The following CA8 variants were observed in gnomAD, a reference collection of about 807,000 sequenced individuals.
CA8 encodes carbonic anhydrase 8 (inactive).
In CA8, 22 loss-of-function variants were observed where a neutral mutation model predicts 41.4. That is an observed-to-expected ratio of 0.53 (90% CI 0.38 to 0.76). CA8 has a LOEUF of 0.76. CA8 is among the 30% of genes least tolerant of loss of function. CA8 has a pLI of 0.00. For synonymous variants in CA8, 121 were observed against 130.6 expected (o/e 0.93, Z 0.50); for missense variants, 270 against 352.8 (o/e 0.77, Z 1.88).
intron 3 of CA8, among the ~76,000 whole-genome samples, chr8:60,264,457 G>A (rs1160991633): frequency 2.0e-5 from 3 of 152,158 alleles, no homozygotes; most frequent in Non-Finnish European, 4.4e-5. Context: ...TAACTGTCTT[G>A]GATTATTTTG....
At chr8:60,194,467 C>G (rs1806222220) in intron 8 of CA8, among the ~76,000 whole-genome samples, 1 of 152,126 alleles carries the variant, frequency 6.6e-6, no homozygotes, top group African/African-American at 2.4e-5. Flanking sequence ...AGGGGCCTTT[C>G]TGCCAGTGTA....
At chr8:60,280,781 A>C (rs528552604) in intron 1 of CA8, among the ~76,000 whole-genome samples, 2 of 152,252 alleles carry the variant, frequency 1.3e-5, no homozygotes, top group Non-Finnish European at 2.9e-5. Context: ...CGCCCTCCGG[A>C]CCGCAGCAGG....
intron 2 of CA8, among the ~76,000 whole-genome samples, chr8:60,277,155 G>A (rs533552161): frequency 2.9e-4 from 40 of 139,224 alleles, no homozygotes; most frequent in African/African-American, 1.1e-3. Context: ...AATTGGCCTC[G>A]TCTTCAATAG....
chr8:60,220,789 G>A (rs988303043), intron 7 of CA8, among the ~76,000 whole-genome samples: 2 of 152,160 alleles, frequency 1.3e-5, no homozygotes, highest in African/African-American at 4.8e-5. Flanking sequence ...CCCGCCGTTA[G>A]GGTAGTTATG....
chr8:60,254,106 TTCTG>T (rs1256486894), intron 3 of CA8, among the ~76,000 whole-genome samples: 2 of 152,242 alleles, frequency 1.3e-5, no homozygotes, highest in South Asian at 2.1e-4. Context: ...TTTCACATGT[TTCTG>T]TCTTACTTCC....
Position 60,273,576 on chromosome 8 carries a change from T to C in CA8, c.292+6113A>G, listed in dbSNP as rs185485275. Among the ~76,000 whole-genome samples, 252 of 152,102 alleles carry C rather than the reference T, an allele frequency of 1.7e-3. 3 individuals are homozygous for C. The Middle Eastern group carries it at 0.017, about 10-fold the overall frequency. Reference sequence around the variant, plus strand: ...ATGGGGTACATGCAGGAGAAGAGGGTTCAGAAGGAAACCTTAAGAAACCCT... The same window carrying C: ...ATGGGGTACATGCAGGAGAAGAGGGCTCAGAAGGAAACCTTAAGAAACCCT... On this transcript the variant is annotated intron_variant, in intron 2 of 8. Coordinates refer to ENST00000317995, the MANE Select transcript of CA8 (RefSeq NM_004056.6).
chr8:60,191,108 A>C (rs1563515879), intron 8 of CA8, among the ~76,000 whole-genome samples: 2 of 151,736 alleles, frequency 1.3e-5, no homozygotes, highest in African/African-American at 4.8e-5. Flanking sequence ...CTCTACCAGG[A>C]CCAAACTACA....
In CA8 at chr8:60,187,402, C is replaced by A. The variant is rs369481808; in HGVS notation, c.*2619G>T. 5.2e-4 allele frequency: 79 copies of A among 152,124 alleles called. 1 individual carries two copies. The highest frequency in any genetic ancestry group is 1.8e-3 in the African/African-American group (76 of 41,532). The allele number at this position is 152,124 out of a possible 1,614,324, so 9.4% of individuals were successfully genotyped here. A position where few individuals can be genotyped will look rare whatever the true frequency, so the allele number is the denominator to read the frequency against. On this transcript the variant is annotated 3_prime_UTR_variant, in exon 9 of 9. Coordinates refer to ENST00000317995, the MANE Select transcript of CA8 (RefSeq NM_004056.6). ...TTCAAATCAATAACCTAACCTTCCA[C>A]CTTAAAATACTGGAAAAGACACAAA...
At chr8:60,242,054 C>T (rs1461195000) in intron 3 of CA8, among the ~76,000 whole-genome samples, 1 of 152,142 alleles carries the variant, frequency 6.6e-6, no homozygotes, top group East Asian at 1.9e-4. Context: ...GTGTTCACTG[C>T]TTCTGGCACT....
chr8:60,248,795 A>G (rs1315777198), intron 3 of CA8, among the ~76,000 whole-genome samples: 1 of 152,130 alleles, frequency 6.6e-6, no homozygotes, highest in African/African-American at 2.4e-5. Context: ...AAGAATGTCA[A>G]TGGTAGTTTA....
chr8:60,212,380 T>C (rs998570018), intron 7 of CA8, among the ~76,000 whole-genome samples: 2 of 152,222 alleles, frequency 1.3e-5, no homozygotes, highest in African/African-American at 2.4e-5. Flanking sequence ...AAAAGAGAAA[T>C]ACAACACATA....
At chr8:60,210,256 G>A (rs181388109) in intron 7 of CA8, among the ~76,000 whole-genome samples, 208 of 152,258 alleles carry the variant, frequency 1.4e-3, no homozygotes, top group African/African-American at 4.8e-3. Context: ...CGTGATTTGG[G>A]CAGCATCAAT....
At chr8:60,239,974 A>G (rs926322694) in intron 3 of CA8, among the ~76,000 whole-genome samples, 1 of 152,160 alleles carries the variant, frequency 6.6e-6, no homozygotes, top group Non-Finnish European at 1.5e-5. Context: ...TAAATTACCC[A>G]GTGTTGGCTA....
At chr8:60,222,520 A>G (rs1807287032) in intron 7 of CA8, 129 bp downstream of exon 7, 1 of 707,976 alleles carries the variant, frequency 1.4e-6, no homozygotes, top group Non-Finnish European at 2.6e-6. Context: ...AGTTCAAGCC[A>G]TTTAACTTTC....
chr8:60,236,461 C>A (rs763819581), intron 3 of CA8, among the ~76,000 whole-genome samples: 131 of 152,064 alleles, frequency 8.6e-4, no homozygotes, highest in Non-Finnish European at 4.0e-4. Context: ...TCTGGAGAAC[C>A]CTGACTAATA....
chr8:60,211,622 C>T (rs1284011828), intron 7 of CA8, among the ~76,000 whole-genome samples: 1 of 152,236 alleles, frequency 6.6e-6, no homozygotes, highest in Non-Finnish European at 1.5e-5. Context: ...TCTGTGAAAA[C>T]AACTTCTTCC....
At chr8:60,265,685 T>A in intron 3 of CA8, 1 of 506,550 alleles carries the variant, frequency 2.0e-6, no homozygotes, top group East Asian at 3.6e-5. Flanking sequence ...GGGTGAAATT[T>A]AATACTGTAG....
intron 8 of CA8, among the ~76,000 whole-genome samples, chr8:60,196,023 C>T (rs753344130): frequency 2.6e-5 from 4 of 151,990 alleles, no homozygotes; most frequent in Non-Finnish European, 5.9e-5. Flanking sequence ...TAACATTATT[C>T]TGGAGTACTA....
chr8:60,193,417 C>A (rs576871774), intron 8 of CA8, among the ~76,000 whole-genome samples: 7 of 152,264 alleles, frequency 4.6e-5, no homozygotes, highest in African/African-American at 1.7e-4. Flanking sequence ...CCTTTGCTGG[C>A]TCTCCTGTTT....
Sources: gnomAD v4.1 joint callset for allele counts (sites outside exome capture counted in the v4.1 genomes callset) on GRCh38, gnomAD v4.1.1 for gene constraint, MANE v1.5 for transcripts, NCBI Gene and HGNC (gene_info 2026-07-23, HGNC 2026-07-21) for gene names.